LYPD8: variants seen among roughly 807,000 people sequenced by gnomAD.
The protein encoded by LYPD8 is ly6/PLAUR domain-containing protein 8.
In LYPD8, 8 loss-of-function variants were observed where a neutral mutation model predicts 1.7. The observed-to-expected ratio is 4.58, with a 90% CI of 2.69 to 8.27. LYPD8 has a LOEUF of 8.27. LYPD8 is among the 30% of genes most tolerant of loss of function. LYPD8 has a pLI of 0.00. For synonymous variants in LYPD8, 50 were observed against 43.6 expected (o/e 1.15, Z -0.58); for missense variants, 112 against 102.3 (o/e 1.09, Z -0.41).
intron 5 of LYPD8, 110 bp from the exon 6 acceptor site, chr1:248,745,389 C>T (rs1162075328): frequency 2.5e-6 from 1 of 395,004 alleles, no homozygotes; most frequent in Non-Finnish European, 4.5e-6. Flanking sequence ...GGAGCAATGA[C>T]ATCCTTGGGA....
Position 248,739,977 on chromosome 1 carries a change from C to T in LYPD8, c.476-128G>A. On this transcript the variant is annotated intron_variant, in intron 6 of 6. Transcript: ENST00000590317. The surrounding 1 kb of genome is among the most constrained non-coding windows in gnomAD (Gnocchi z 4.3). Reference sequence around the variant, plus strand: ...GCAAGAGCTGGTGTGCTCCTGAAGCCCAGGCAGGAAGAAGGAGCCTGCGTG... The same window carrying T: ...GCAAGAGCTGGTGTGCTCCTGAAGCTCAGGCAGGAAGAAGGAGCCTGCGTG... The T allele has an allele frequency of 8.0e-7, 1 of 1,254,802 alleles. No individual in the cohort carries two copies. Among genetic ancestry groups the T allele is most frequent in the Non-Finnish European group, 1.1e-6 (1 of 915,610 alleles). The allele number at this position is 1,254,802 out of a possible 1,614,324, so 77.7% of individuals were successfully genotyped here.
At chr1:248,741,866 G>T (rs1366969770) in intron 6 of LYPD8, among the ~76,000 whole-genome samples, 1 of 152,202 alleles carries the variant, frequency 6.6e-6, no homozygotes, top group Non-Finnish European at 1.5e-5. Flanking sequence ...GCTACATACT[G>T]TATGAGTTCA....
chr1:248,741,156 A>C (rs1553283302), intron 6 of LYPD8, among the ~76,000 whole-genome samples: 3 of 152,232 alleles, frequency 2.0e-5, no homozygotes, highest in African/African-American at 4.8e-5. Flanking sequence ...CTTGTTTGGA[A>C]AAGGAGTTAG....
At chr1:248,743,251 G>C (rs1377408385) in intron 6 of LYPD8, among the ~76,000 whole-genome samples, 1 of 152,180 alleles carries the variant, frequency 6.6e-6, no homozygotes, top group South Asian at 2.1e-4. Context: ...GATCACTTGA[G>C]TTCAGGTGTT....
chr1:248,753,315 CAACACACA>C (rs1662860525), intron 2 of LYPD8, among the ~76,000 whole-genome samples: 24 of 113,748 alleles, frequency 2.1e-4, no homozygotes, highest in African/African-American at 7.3e-4. Context: ...ACACCCCACA[CAACACACA>C]ACACATCACA....
At chr1:248,743,240 G>A (rs898402467) in intron 6 of LYPD8, among the ~76,000 whole-genome samples, 14 of 152,134 alleles carry the variant, frequency 9.2e-5, no homozygotes, top group East Asian at 1.9e-4. Context: ...CGAGGCGGGC[G>A]GATCACTTGA....
rs1335255967 is a variant in LYPD8 at position 248,745,274 on chromosome 1, G to A, written c.343C>T (p.Pro115Ser). 6 of 398,454 alleles carry A rather than the reference G, an allele frequency of 1.5e-5. No individual in the cohort carries two copies. The highest frequency in any genetic ancestry group is 2.2e-5 in the Non-Finnish European group (5 of 226,066). 24.7% of individuals were successfully genotyped at this position (398,454 alleles called of 1,614,324 possible). The change falls in exon 6 of 7, where the codon CCC (proline) becomes TCC (serine). Residue 115 changes from proline to serine, a missense_variant. By Grantham distance (74) the Pro-to-Ser change is moderately conservative. Transcript: ENST00000590317. Reference protein sequence around the residue: ...CSNTSDALDPPLKNVSSNAEC... With the variant: ...CSNTSDALDPSLKNVSSNAEC... ...GCGTTGCTGGACACGTTCTTCAGGG[G>A]AGGGTCTGGAAGAGTCAGAGTCATT...
At chr1:248,753,432 AC>A (rs2103174515) in intron 2 of LYPD8, among the ~76,000 whole-genome samples, 1 of 131,362 alleles carries the variant, frequency 7.6e-6, no homozygotes, top group Non-Finnish European at 1.6e-5. Flanking sequence ...CACACAACAC[AC>A]ACAACACAAC....
intron 2 of LYPD8, among the ~76,000 whole-genome samples, chr1:248,752,556 C>T (rs2103172169): frequency 7.1e-6 from 1 of 141,480 alleles, no homozygotes; most frequent in Admixed American, 7.1e-5. Context: ...AACACAAACA[C>T]ACCACATCAT....
rs986195102 is a variant in LYPD8, at chr1:248,754,623, A to G, written c.-50+616T>C. Among the ~76,000 whole-genome samples the G allele has an allele frequency of 2.0e-5, 3 of 151,766 alleles. No homozygotes were observed. The South Asian group carries it at 6.3e-4, about 32-fold the overall frequency. On this transcript the variant is annotated intron_variant, in intron 2 of 6. Transcript: ENST00000590317. ...ACACAAACCATATACACAATACACAAACCACACACAAACACCACACACCCT... is the reference window on the plus strand; with the variant it reads ...ACACAAACCATATACACAATACACAGACCACACACAAACACCACACACCCT...
intron 4 of LYPD8, 48 bp from the exon 5 acceptor site, chr1:248,748,501 G>T: frequency 2.5e-6 from 1 of 399,996 alleles, no homozygotes. Flanking sequence ...AGGAGGAGGT[G>T]TGGGGAGGGT....
chr1:248,743,276 C>A (rs1406152675), intron 6 of LYPD8, among the ~76,000 whole-genome samples: 1 of 152,070 alleles, frequency 6.6e-6, no homozygotes, highest in East Asian at 1.9e-4. Flanking sequence ...ACCAGCCTGG[C>A]CAACATGGCG....
intron 5 of LYPD8, among the ~76,000 whole-genome samples, chr1:248,745,569 A>G (rs1662715777): frequency 6.6e-6 from 1 of 152,234 alleles, no homozygotes; most frequent in African/African-American, 2.4e-5. Context: ...ACTATAGTCA[A>G]CATGAACATT....
chr1:248,745,412 G>A, intron 5 of LYPD8, 133 bp from the exon 6 acceptor site: 1 of 393,840 alleles, frequency 2.5e-6, no homozygotes. Flanking sequence ...CTCAGATCTA[G>A]CCTTGAAAAC....
chr1:248,752,815 AC>A (rs1572156333), intron 2 of LYPD8, among the ~76,000 whole-genome samples: 5 of 94,308 alleles, frequency 5.3e-5, no homozygotes, highest in African/African-American at 9.7e-5. Context: ...CAACACACAC[AC>A]ATCACATCAC....
intron 4 of LYPD8, among the ~76,000 whole-genome samples, chr1:248,749,403 T>C (rs1662760985): frequency 6.6e-6 from 1 of 152,230 alleles, no homozygotes; most frequent in Non-Finnish European, 1.5e-5. Context: ...GTATGTGTCT[T>C]AGTTCATTTT....
At chr1:248,753,211 CA>C (rs1662854391) in intron 2 of LYPD8, among the ~76,000 whole-genome samples, 1 of 108,374 alleles carries the variant, frequency 9.2e-6, no homozygotes, top group African/African-American at 3.9e-5. Context: ...CCACACAACA[CA>C]CACACCACAC....
At position 248,750,592 on chromosome 1, in the gene LYPD8, C is replaced by A; in HGVS notation, c.104G>T (p.Ser35Ile). The A allele has an allele frequency of 7.5e-6, 3 of 398,638 alleles. No homozygotes were observed. Among genetic ancestry groups the A allele is most frequent in the Non-Finnish European group, 1.3e-5 (3 of 226,088 alleles). The allele number at this position is 398,638 out of a possible 1,614,324, so 24.7% of individuals were successfully genotyped here. A position where few individuals can be genotyped will look rare whatever the true frequency, so the allele number is the denominator to read the frequency against. Residue 35 changes from serine to isoleucine, a missense_variant, in exon 4 of 7, where the codon AGC (serine) becomes ATC (isoleucine). By Grantham distance (142) the Ser-to-Ile change is moderately radical (BLOSUM62 -2). Transcript: ENST00000590317. ...CNSWEKSCVN[S>I]IASECPSHAN... ...ATGTGAGGGACATTCAGAGGCAATGCTGTTGACACAGGATTTTTCCCATGA... is the reference window on the plus strand; with the variant it reads ...ATGTGAGGGACATTCAGAGGCAATGATGTTGACACAGGATTTTTCCCATGA...
At chr1:248,752,841 ACACACACACACCACAC>A (rs1662834753) in intron 2 of LYPD8, among the ~76,000 whole-genome samples, 2 of 83,180 alleles carry the variant, frequency 2.4e-5, no homozygotes, top group South Asian at 3.8e-4. Context: ...ACCACACCCC[ACACACACACACCACAC>A]CACACACACA....
Sources: gnomAD v4.1 joint callset for allele counts (sites outside exome capture counted in the v4.1 genomes callset) on GRCh38, gnomAD v4.1.1 for gene constraint, Gnocchi (gnomAD v3.1) non-coding constraint, MANE v1.5 for transcripts, NCBI Gene and HGNC (gene_info 2026-07-23, HGNC 2026-07-21) for gene names.